The following ALPL variants were observed in gnomAD, a reference collection of about 807,000 sequenced individuals.
The protein encoded by ALPL is alkaline phosphatase, tissue-nonspecific isozyme.
Under a neutral mutation model 51.3 loss-of-function variants are expected in ALPL, and 42 were observed. The ratio of observed to expected loss-of-function variants is 0.82; its 90% CI spans 0.64 to 1.06. The LOEUF is 1.06. Ranked by LOEUF, ALPL falls within the 50% of genes least tolerant of loss-of-function variation. The pLI is 0.00. For missense variants in ALPL, 589 were observed against 709.4 expected (o/e 0.83, Z 1.93); for synonymous variants, 279 against 296.4 (o/e 0.94, Z 0.60).
At chr1:21,577,060 G>A (rs1369071840) in intron 11 of ALPL, among the ~76,000 whole-genome samples, 1 of 151,970 alleles carries the variant, frequency 6.6e-6, no homozygotes, top group Non-Finnish European at 1.5e-5. Context: ...TCATTCATTC[G>A]TTCTTGATAC....
In ALPL at chr1:21,577,528, G is replaced by A. The variant is rs188443578; in HGVS notation, c.1455G>A (p.Ala485=). 57 of 1,607,450 alleles carry A rather than the reference G, an allele frequency of 3.5e-5. 1 individual carries two copies. In the South Asian group the frequency reaches 5.2e-4, roughly 15 times the overall value. ...AGAACTACGTCCCCCACGTGATGGCGTATGCAGCCTGCATCGGGGCCAACC... is the reference window on the plus strand; with the variant it reads ...AGAACTACGTCCCCCACGTGATGGCATATGCAGCCTGCATCGGGGCCAACC... ...HEQNYVPHVM[A]YAACIGANLG... Residue 485 remains alanine, a synonymous_variant, in exon 12 of 12, where the codon GCG becomes GCA. Transcript: ENST00000374840.
At chr1:21,561,281 C>T in intron 4 of ALPL, 69 bp downstream of exon 4, 1 of 1,395,658 alleles carries the variant, frequency 7.2e-7, no homozygotes, top group Non-Finnish European at 1.0e-6. Flanking sequence ...CTGAACATGA[C>T]AGCAGCCAGA....
chr1:21,513,405 A>T (rs1452389548), intron 1 of ALPL, among the ~76,000 whole-genome samples: 1 of 152,150 alleles, frequency 6.6e-6, no homozygotes, highest in Non-Finnish European at 1.5e-5. Context: ...TTAAGGGAGG[A>T]TGCAGATGAT....
Position 21,563,280 on chromosome 1 carries a change from C to T in ALPL, c.468C>T (p.Asp156=), listed in dbSNP as rs143621566. The change falls in exon 5 of 12, where the codon GAC becomes GAT. Residue 156 remains aspartate, a synonymous_variant. Transcript: ENST00000374840. ...CCTCCATCCTGCGCTGGGCCAAGGACGCTGGTGAGTCGGGGGAGCAGTGGG... is the reference window on the plus strand; with the variant it reads ...CCTCCATCCTGCGCTGGGCCAAGGATGCTGGTGAGTCGGGGGAGCAGTGGG... ...EVTSILRWAK[D]AGKSVGIVTT... 9.8e-5 allele frequency: 158 copies of T among 1,607,632 alleles called. No homozygotes were observed. In the African/African-American group the frequency reaches 1.5e-3, roughly 15 times the overall value.
At chr1:21,509,166 CAG>C (rs1388533578), upstream of ALPL, among the ~76,000 whole-genome samples, 11 of 152,072 alleles carry the variant, frequency 7.2e-5, no homozygotes, top group Non-Finnish European at 1.5e-4. The surrounding 1 kb of genome is among the most constrained non-coding windows in gnomAD (Gnocchi z 6.0). Context: ...AGCCCGGAGG[CAG>C]AGAGACCGAG....
At chr1:21,574,190 C>T (rs548073058) in intron 9 of ALPL, 21 of 985,450 alleles carry the variant, frequency 2.1e-5, no homozygotes, top group Middle Eastern at 5.2e-4. Flanking sequence ...CTTTCAGCGC[C>T]GGCCAGGGGC....
intron 1 of ALPL, among the ~76,000 whole-genome samples, chr1:21,537,406 A>C (rs4498776): frequency 0.02 from 3,076 of 152,220 alleles, 117 homozygotes; most frequent in African/African-American, 0.07. Flanking sequence ...GAAGCCCCTC[A>C]CTTTGTGGAG....
chr1:21,537,176 G>A (rs539210739), intron 1 of ALPL, among the ~76,000 whole-genome samples: 64 of 152,260 alleles, frequency 4.2e-4, no homozygotes, highest in Middle Eastern at 3.4e-3. Context: ...GATTAAAGGC[G>A]TGAGCCACCG....
chr1:21,524,395 G>A (rs1411054544), intron 1 of ALPL, among the ~76,000 whole-genome samples: 2 of 152,126 alleles, frequency 1.3e-5, no homozygotes, highest in African/African-American at 4.8e-5. Flanking sequence ...TGAGGCAGGA[G>A]GATTGCTTGA....
intron 8 of ALPL, among the ~76,000 whole-genome samples, chr1:21,571,488 A>T (rs1424626809): frequency 1.5e-4 from 22 of 151,350 alleles, no homozygotes; most frequent in African/African-American, 4.9e-5. Flanking sequence ...CTGGCTAACG[A>T]GGTGAAACCC....
chr1:21,527,602 TGTG>T (rs920944399), intron 1 of ALPL, among the ~76,000 whole-genome samples: 6 of 151,022 alleles, frequency 4.0e-5, no homozygotes, highest in Non-Finnish European at 8.8e-5. Context: ...CAGGCTCAAG[TGTG>T]GTGGTGTGAT....
chr1:21,533,592 G>A (rs536263175), intron 1 of ALPL, among the ~76,000 whole-genome samples: 1 of 152,206 alleles, frequency 6.6e-6, no homozygotes, highest in East Asian at 1.9e-4. Context: ...CTTCCCACAA[G>A]ACCAAGGTCT....
At chr1:21,554,795 G>GTCTT (rs1558543640) in intron 2 of ALPL, among the ~76,000 whole-genome samples, 21 of 38,980 alleles carry the variant, frequency 5.4e-4, no homozygotes, top group East Asian at 2.1e-3. Flanking sequence ...TGGCCTGTCT[G>GTCTT]TCTGTCTGTC....
At position 21,575,819 on chromosome 1, in the gene ALPL, G is replaced by A. The variant is rs1359964637; in HGVS notation, c.1084G>A (p.Ala362Thr). 10 of 1,614,260 alleles carry A rather than the reference G, an allele frequency of 6.2e-6. No individual in the cohort carries two copies. Among genetic ancestry groups the A allele is most frequent in the Non-Finnish European group, 8.5e-6 (10 of 1,180,044 alleles). The change falls in exon 10 of 12, where the codon GCA becomes ACA. Residue 362 changes from alanine (A) to threonine (T), a missense_variant. Ala to Thr is a moderately conservative substitution (Grantham distance 58). Transcript: ENST00000374840. ...GGAGATGGACCGGGCCATCGGGCAGGCAGGCAGCTTGACCTCCTCGGAAGA... is the reference window on the plus strand; with the variant it reads ...GGAGATGGACCGGGCCATCGGGCAGACAGGCAGCTTGACCTCCTCGGAAGA... ...AVEMDRAIGQ[A>T]GSLTSSEDTL...
intron 3 of ALPL, 96 bp downstream of exon 3, chr1:21,560,841 T>A: frequency 1.3e-6 from 2 of 1,510,378 alleles, no homozygotes; most frequent in Non-Finnish European, 1.8e-6. Flanking sequence ...TTGAAGGGGC[T>A]AGGGCTCTGG....
In ALPL at chr1:21,522,363, T is replaced by C. The variant is rs142796518; in HGVS notation, c.-105+12846T>C. Among the ~76,000 whole-genome samples the C allele has an allele frequency of 8.7e-4, 133 of 152,324 alleles. 2 individuals are homozygous for C. The East Asian group carries it at 9.4e-3, about 11-fold the overall frequency. On this transcript the variant is annotated intron_variant, in intron 1 of 11. Transcript: ENST00000374840. ...TGCTGGGATTACAGGCGTGAGCCAC[T>C]GCACCCGGCCAGGTTTGTTTAAAAT...
intron 8 of ALPL, among the ~76,000 whole-genome samples, chr1:21,572,044 C>T (rs1424720312): frequency 6.6e-6 from 1 of 152,074 alleles, no homozygotes; most frequent in Non-Finnish European, 1.5e-5. Flanking sequence ...GCCAGCCACT[C>T]AGGAAGCTGA....
chr1:21,559,011 G>A (rs1315986738), intron 2 of ALPL, among the ~76,000 whole-genome samples: 1 of 152,136 alleles, frequency 6.6e-6, no homozygotes, highest in Non-Finnish European at 1.5e-5. Context: ...CTGGCATCTC[G>A]CCCAGAGCCA....
intron 8 of ALPL, among the ~76,000 whole-genome samples, chr1:21,571,680 A>C (rs1171152055): frequency 1.4e-5 from 2 of 143,406 alleles, no homozygotes; most frequent in Non-Finnish European, 3.1e-5. Flanking sequence ...TAAAAACAAA[A>C]AACAAAGAAC....
Sources: allele counts gnomAD v4.1 joint callset (sites outside exome capture counted in the v4.1 genomes callset), GRCh38; gene constraint gnomAD v4.1.1; non-coding constraint Gnocchi (gnomAD v3.1); transcripts MANE v1.5; gene names NCBI Gene and HGNC (gene_info 2026-07-23, HGNC 2026-07-21).